Variants in VRK2 observed in about 807,000 individuals in gnomAD.
VRK2 encodes VRK serine/threonine kinase 2.
VRK2 carries 60 observed loss-of-function variants against 57.6 expected under a neutral mutation model. The observed-to-expected ratio is 1.04, with a 90% CI of 0.85 to 1.29. The LOEUF (loss-of-function observed/expected upper bound fraction) is 1.29. VRK2 is among the 50% of genes most tolerant of loss of function. The probability of loss-of-function intolerance (pLI) is 0.00; values close to 1 mark genes in which losing one functional copy is unlikely to be tolerated. For missense variants in VRK2, 705 were observed against 588.1 expected (o/e 1.20, Z -2.06); for synonymous variants, 231 against 199.2 (o/e 1.16, Z -1.35).
At chr2:58,139,644 T>TA (rs781658111) in intron 10 of VRK2, 22 bp from the exon 11 acceptor site, 3 of 1,599,656 alleles carry the variant, frequency 1.9e-6, no homozygotes, top group Non-Finnish European at 2.6e-6. Context: ...GAATGACATG[T>TA]AAAAAATTTA....
At chr2:57,978,278 G>C (rs1185603200) in intron 1 of VRK2, among the ~76,000 whole-genome samples, 1 of 150,996 alleles carries the variant, frequency 6.6e-6, no homozygotes, top group Non-Finnish European at 1.5e-5. Flanking sequence ...TAAATAACCA[G>C]GTTACAGATG....
At chr2:58,092,928 C>A (rs965925380) in intron 7 of VRK2, among the ~76,000 whole-genome samples, 2 of 152,060 alleles carry the variant, frequency 1.3e-5, no homozygotes, top group Non-Finnish European at 2.9e-5. Flanking sequence ...GTTTTTTGTT[C>A]TTGCGATAGT....
intron 2 of VRK2, among the ~76,000 whole-genome samples, chr2:58,078,130 C>G (rs562302868): frequency 7.6e-4 from 115 of 152,204 alleles, no homozygotes; most frequent in African/African-American, 2.6e-3. Context: ...ACTCTATATT[C>G]ATTAAACAGT....
intron 3 of VRK2, among the ~76,000 whole-genome samples, chr2:58,033,842 G>C (rs971887027): frequency 6.6e-6 from 1 of 151,956 alleles, no homozygotes; most frequent in African/African-American, 2.4e-5. Flanking sequence ...TCCACAGAGA[G>C]CCATCTGTGC....
intron 2 of VRK2, among the ~76,000 whole-genome samples, chr2:58,072,544 A>G (rs1460775470): frequency 6.6e-6 from 1 of 151,916 alleles, no homozygotes; most frequent in Non-Finnish European, 1.5e-5. Context: ...GTAGCTTATT[A>G]ATGTGTTGGA....
chr2:58,129,708 T>A (rs1678895511), intron 8 of VRK2, among the ~76,000 whole-genome samples: 1 of 152,176 alleles, frequency 6.6e-6, no homozygotes, highest in Non-Finnish European at 1.5e-5. Flanking sequence ...AAGTCTAAGA[T>A]TTTAACTTCA....
chr2:58,037,241 A>ATTCG (rs1262451652), intron 3 of VRK2, among the ~76,000 whole-genome samples: 1 of 151,872 alleles, frequency 6.6e-6, no homozygotes, highest in Non-Finnish European at 1.5e-5. Flanking sequence ...CAGTGTCTTG[A>ATTCG]TTCGTTTAAA....
chr2:57,998,445 G>A (rs969846463), intron 1 of VRK2, among the ~76,000 whole-genome samples: 25 of 152,016 alleles, frequency 1.6e-4, no homozygotes, highest in African/African-American at 1.9e-4. Context: ...GAATTACTTC[G>A]AGTGTTAATC....
At chr2:58,104,626 A>T (rs1036040785) in intron 7 of VRK2, among the ~76,000 whole-genome samples, 1 of 151,910 alleles carries the variant, frequency 6.6e-6, no homozygotes, top group Non-Finnish European at 1.5e-5. Flanking sequence ...TAAAATGAGC[A>T]CAGTGCCCAA....
At chr2:58,135,940 G>T (rs1255094119) in intron 10 of VRK2, among the ~76,000 whole-genome samples, 1 of 152,128 alleles carries the variant, frequency 6.6e-6, no homozygotes, top group Non-Finnish European at 1.5e-5. Context: ...TTCAGAGACA[G>T]ATAATCAGAG....
At chr2:58,064,117 T>C (rs1668289389) in intron 2 of VRK2, among the ~76,000 whole-genome samples, 1 of 152,108 alleles carries the variant, frequency 6.6e-6, no homozygotes. Flanking sequence ...TGAGATAGAA[T>C]CTATCCTGGT....
intron 2 of VRK2, among the ~76,000 whole-genome samples, chr2:58,059,117 A>G (rs1676960009): frequency 6.6e-6 from 1 of 152,062 alleles, no homozygotes; most frequent in Non-Finnish European, 1.5e-5. Context: ...TATTATTAAG[A>G]TCTCAAAATC....
intron 1 of VRK2, among the ~76,000 whole-genome samples, chr2:57,924,359 G>C (rs1185075609): frequency 6.6e-6 from 1 of 151,898 alleles, no homozygotes; most frequent in East Asian, 1.9e-4. Context: ...CAAGAACTTG[G>C]AATGCCTTTC....
intron 1 of VRK2, among the ~76,000 whole-genome samples, chr2:57,992,515 T>G (rs1672797952): frequency 6.6e-6 from 1 of 151,774 alleles, no homozygotes; most frequent in African/African-American, 2.4e-5. Context: ...CACAGACTGC[T>G]AACAGAATTC....
chr2:57,980,671 C>A (rs1672394236), intron 1 of VRK2, among the ~76,000 whole-genome samples: 1 of 152,104 alleles, frequency 6.6e-6, no homozygotes, highest in African/African-American at 2.4e-5. Context: ...TTATGTGTCT[C>A]TTCAAGGTCT....
At chr2:58,139,104 C>A (rs1225259318) in intron 10 of VRK2, among the ~76,000 whole-genome samples, 3 of 152,110 alleles carry the variant, frequency 2.0e-5, no homozygotes, top group Non-Finnish European at 2.9e-5. Flanking sequence ...GTGTACCAGG[C>A]TAGCTAGGTA....
intron 1 of VRK2, among the ~76,000 whole-genome samples, chr2:58,000,897 A>T (rs1673069915): frequency 6.6e-6 from 1 of 152,178 alleles, no homozygotes; most frequent in South Asian, 2.1e-4. Flanking sequence ...TTCTGTGATG[A>T]CTCTGTACAA....
chr2:57,971,499 C>A lies in VRK2; in HGVS notation c.-438-54166C>A, dbSNP rs537878365. Among the ~76,000 whole-genome samples, 6 of 152,042 alleles carry A rather than the reference C, an allele frequency of 3.9e-5. No homozygotes were observed. The South Asian group carries it at 1.0e-3, about 26-fold the overall frequency. On this transcript the variant is annotated intron_variant, in intron 1 of 15. Coordinates refer to the VRK2 transcript ENST00000417641. Reference sequence around the variant, plus strand: ...GTCAAGGATCAACCCATCTTGCAAGCAGGGCTTTCTCTAAGGATAAGATGT... The same window carrying A: ...GTCAAGGATCAACCCATCTTGCAAGAAGGGCTTTCTCTAAGGATAAGATGT...
At chr2:57,967,721 C>T (rs182751034) in intron 1 of VRK2, among the ~76,000 whole-genome samples, 10 of 152,034 alleles carry the variant, frequency 6.6e-5, no homozygotes, top group African/African-American at 1.9e-4. Context: ...AAGAAGGAGA[C>T]GTGGGATAGA....
Sources: allele counts gnomAD v4.1 joint callset (sites outside exome capture counted in the v4.1 genomes callset), GRCh38; gene constraint gnomAD v4.1.1; transcripts MANE v1.5; gene names NCBI Gene and HGNC (gene_info 2026-07-23, HGNC 2026-07-21).